PTPRD: variants seen among roughly 807,000 people sequenced by gnomAD.
The protein encoded by PTPRD is receptor-type tyrosine-protein phosphatase delta.
In PTPRD, 34 loss-of-function variants were observed where a neutral mutation model predicts 214.5. The ratio of observed to expected loss-of-function variants is 0.16; its 90% CI spans 0.12 to 0.21. PTPRD has a LOEUF of 0.21. Ranked by LOEUF, PTPRD falls within the 10% of genes least tolerant of loss-of-function variation. The pLI is 1.00. For missense variants in PTPRD, 2,545 were observed against 2,398.7 expected (o/e 1.06, Z -1.27); for synonymous variants, 1,128 against 845.7 (o/e 1.33, Z -5.79).
chr9:10,270,559 A>C (rs1440749431), intron 3 of PTPRD, among the ~76,000 whole-genome samples: 1 of 152,224 alleles, frequency 6.6e-6, no homozygotes, highest in African/African-American at 2.4e-5. Flanking sequence ...ACTGCCATAC[A>C]AAAATCAAAA....
chr9:10,279,083 G>C (rs2094931304), intron 3 of PTPRD, among the ~76,000 whole-genome samples: 2 of 151,800 alleles, frequency 1.3e-5, no homozygotes, highest in African/African-American at 2.4e-5. Flanking sequence ...CCCATGTATG[G>C]TAAAAGTTTT....
intron 11 of PTPRD, among the ~76,000 whole-genome samples, chr9:8,824,593 G>A (rs1036233669): frequency 1.3e-4 from 9 of 70,600 alleles, no homozygotes; most frequent in Admixed American, 7.3e-4. Context: ...CAAGAGTAAA[G>A]CAAAATAAGT....
intron 43 of PTPRD, among the ~76,000 whole-genome samples, chr9:8,337,892 G>C (rs147299139): frequency 1.7e-4 from 25 of 150,196 alleles, no homozygotes; most frequent in Non-Finnish European, 2.8e-4. Context: ...TTTTTTAAAC[G>C]GTGGGGCAGG....
intron 3 of PTPRD, among the ~76,000 whole-genome samples, chr9:10,282,527 G>A (rs2095171196): frequency 1.3e-5 from 2 of 152,030 alleles, no homozygotes; most frequent in South Asian, 4.1e-4. Context: ...GCTGCTCTAA[G>A]AAATTTCCAA....
At chr9:10,428,430 TG>T (rs139760573) in intron 2 of PTPRD, among the ~76,000 whole-genome samples, 6,394 of 152,180 alleles carry the variant, frequency 0.042, 462 homozygotes, top group African/African-American at 0.14. Flanking sequence ...CTATAAATTC[TG>T]GGTAAAATAT....
chr9:9,400,158 A>G (rs531446431), intron 8 of PTPRD, among the ~76,000 whole-genome samples: 3 of 147,018 alleles, frequency 2.0e-5, no homozygotes, highest in African/African-American at 7.6e-5. Flanking sequence ...AGTTGTAAGT[A>G]CCCATTGATT....
At chr9:9,371,897 T>C (rs2059610943) in intron 9 of PTPRD, among the ~76,000 whole-genome samples, 1 of 152,222 alleles carries the variant, frequency 6.6e-6, no homozygotes, top group Non-Finnish European at 1.5e-5. Context: ...GAGCAGGTTG[T>C]TCAGTTTCCA....
intron 11 of PTPRD, among the ~76,000 whole-genome samples, chr9:9,003,275 T>C (rs1021824682): frequency 1.3e-5 from 2 of 151,988 alleles, no homozygotes; most frequent in African/African-American, 2.4e-5. Context: ...CCTCTATTGT[T>C]CTATGAGCAA....
At chr9:10,165,378 C>T (rs2099152648) in intron 3 of PTPRD, among the ~76,000 whole-genome samples, 1 of 151,638 alleles carries the variant, frequency 6.6e-6, no homozygotes, top group South Asian at 2.1e-4. Flanking sequence ...ATCACCAAAA[C>T]TTGTTAACTT....
chr9:10,154,362 T>C (rs998645819), intron 3 of PTPRD, among the ~76,000 whole-genome samples: 8 of 152,202 alleles, frequency 5.3e-5, no homozygotes, highest in African/African-American at 1.9e-4. Context: ...AAATGCTGTA[T>C]ATTAGACCTT....
chr9:9,891,662 T>C (rs1035448787), intron 5 of PTPRD, among the ~76,000 whole-genome samples: 1 of 151,200 alleles, frequency 6.6e-6, no homozygotes, highest in African/African-American at 2.5e-5. Flanking sequence ...TTCAGACCTC[T>C]AAACACAGAT....
At chr9:10,155,703 T>C (rs1369476686) in intron 3 of PTPRD, among the ~76,000 whole-genome samples, 4 of 152,176 alleles carry the variant, frequency 2.6e-5, no homozygotes, top group Non-Finnish European at 2.9e-5. Context: ...TTGAGATAAG[T>C]ATGTGGTTTT....
rs369526365 is a variant in PTPRD at position 9,710,278 on chromosome 9, A to G, written c.-287+24255T>C. Among the ~76,000 whole-genome samples, 13 of 152,220 alleles carry G rather than the reference A, an allele frequency of 8.5e-5. No homozygotes were observed. In the East Asian group the frequency reaches 2.5e-3, roughly 29 times the overall value. ...AGACTAGGTTATTTGGCTAATTTAC[A>G]TAGCTAATCCATAGCAAAAAGAAGG... On this transcript the variant is annotated intron_variant, in intron 7 of 45. Coordinates refer to ENST00000381196, the MANE Select transcript of PTPRD (RefSeq NM_002839.4).
At chr9:8,927,917 G>A (rs976984449) in intron 11 of PTPRD, among the ~76,000 whole-genome samples, 1 of 152,160 alleles carries the variant, frequency 6.6e-6, no homozygotes, top group Non-Finnish European at 1.5e-5. Flanking sequence ...GCATGACATG[G>A]TATCTCATTG....
chr9:10,114,393 A>C (rs1185886546), intron 3 of PTPRD, among the ~76,000 whole-genome samples: 1 of 152,146 alleles, frequency 6.6e-6, no homozygotes, highest in African/African-American at 2.4e-5. Flanking sequence ...TATAAAGGCA[A>C]TTTACAAAAT....
intron 11 of PTPRD, among the ~76,000 whole-genome samples, chr9:8,969,150 C>T (rs971249638): frequency 6.6e-6 from 1 of 152,038 alleles, no homozygotes; most frequent in Non-Finnish European, 1.5e-5. Flanking sequence ...AAATTCATAT[C>T]GTTAGAGAAA....
chr9:9,538,761 T>C (rs371725958), intron 8 of PTPRD, among the ~76,000 whole-genome samples: 4 of 151,968 alleles, frequency 2.6e-5, no homozygotes, highest in East Asian at 3.9e-4. Context: ...CAACAAATGC[T>C]CTAATGAAAG....
At chr9:10,354,291 A>G (rs959686231) in intron 2 of PTPRD, among the ~76,000 whole-genome samples, 7 of 152,174 alleles carry the variant, frequency 4.6e-5, no homozygotes, top group African/African-American at 7.2e-5. Flanking sequence ...GTTGCTATAC[A>G]TCTTCTATTT....
At chr9:10,056,608 C>A (rs2097653947) in intron 3 of PTPRD, among the ~76,000 whole-genome samples, 1 of 151,994 alleles carries the variant, frequency 6.6e-6, no homozygotes, top group East Asian at 1.9e-4. Context: ...GGAACAATAT[C>A]CATCTTTGCA....
Sources: allele counts gnomAD v4.1 joint callset (sites outside exome capture counted in the v4.1 genomes callset), GRCh38; gene constraint gnomAD v4.1.1; transcripts MANE v1.5; gene names NCBI Gene and HGNC (gene_info 2026-07-23, HGNC 2026-07-21).